Variants in LAMA4 observed in about 807,000 individuals in gnomAD.
The protein encoded by LAMA4 is laminin subunit alpha 4, also known as laminin subunit alpha-4.
LAMA4 carries 127 observed loss-of-function variants against 207.1 expected under a neutral mutation model. That is an observed-to-expected ratio of 0.61 (90% CI 0.53 to 0.71). LAMA4 has a LOEUF of 0.71. Among genes scored for constraint, LAMA4 ranks in the 30% least tolerant of loss-of-function variants. LAMA4 has a pLI of 0.00. For missense variants in LAMA4, 2,093 were observed against 2,246.5 expected (o/e 0.93, Z 1.38); for synonymous variants, 761 against 816.0 (o/e 0.93, Z 1.15).
intron 3 of LAMA4, 148 bp from the exon 4 acceptor site, chr6:112,207,293 G>A (rs1784113209): frequency 1.2e-6 from 1 of 854,166 alleles, no homozygotes; most frequent in Non-Finnish European, 1.9e-6. Context: ...TTAGCATGAG[G>A]AGTCACACTG....
Position 112,119,087 on chromosome 6 carries a change from C to T in LAMA4, c.4821+69G>A, listed in dbSNP as rs967893593. 2.3e-4 allele frequency: 341 copies of T among 1,495,738 alleles called. 3 individuals carry two copies. Among genetic ancestry groups the T allele is most frequent in the South Asian group, 7.1e-4 (63 of 88,326 alleles). The allele number at this position is 1,495,738 out of a possible 1,614,324, so 92.7% of individuals were successfully genotyped here. ...GTTTCTAGTTTCCTAATCTGTGAGA[C>T]GAGGGCCTCAATTAGATGATCTTCT... On this transcript the variant is annotated intron_variant, in intron 34 of 38. Coordinates refer to ENST00000230538, the MANE Select transcript of LAMA4 (RefSeq NM_001105206.3).
At chr6:112,171,026 G>A (rs1781676832) in intron 12 of LAMA4, among the ~76,000 whole-genome samples, 1 of 152,140 alleles carries the variant, frequency 6.6e-6, no homozygotes, top group South Asian at 2.1e-4. Context: ...ATCAGAGGGA[G>A]TCCTGAATGC....
At chr6:112,190,942 TCTTTC>T (rs1562714736) in intron 6 of LAMA4, among the ~76,000 whole-genome samples, 2,022 of 55,172 alleles carry the variant, frequency 0.037, 22 homozygotes, top group Middle Eastern at 0.04. Context: ...TTTCTTTCTT[TCTTTC>T]CTTTCTTTCT....
rs7758715 is a variant in LAMA4, at chr6:112,108,584, T to A, written c.*853A>T. On this transcript the variant is annotated 3_prime_UTR_variant, in exon 39 of 39. Coordinates refer to ENST00000230538, the MANE Select transcript of LAMA4 (RefSeq NM_001105206.3). Reference sequence around the variant, plus strand: ...ACAGGTGTATGCCCATGTACAAATTTTTTTGCAGAGATGGGATCTCATTAT... The same window carrying A: ...ACAGGTGTATGCCCATGTACAAATTATTTTGCAGAGATGGGATCTCATTAT... 0.25 allele frequency among the ~76,000 whole-genome samples: 37,696 copies of A among 151,898 alleles called. 4,647 individuals are homozygous for A. The highest frequency in any genetic ancestry group is 0.32 in the East Asian group (1,658 of 5,154).
chr6:112,251,249 C>T (rs1485974308), intron 2 of LAMA4: 1 of 152,178 alleles, frequency 6.6e-6, no homozygotes, highest in Non-Finnish European at 1.5e-5. Flanking sequence ...CAATCTCTAT[C>T]CTTTTATTCC....
intron 16 of LAMA4, among the ~76,000 whole-genome samples, chr6:112,153,419 A>G (rs1554336169): frequency 6.6e-6 from 1 of 152,158 alleles, no homozygotes; most frequent in East Asian, 1.9e-4. Flanking sequence ...GAGATCATGA[A>G]ATAGGTGAAC....
Position 112,187,440 on chromosome 6 carries a change from T to A in LAMA4, c.966+10A>T, listed in dbSNP as rs1782751851. On this transcript the variant is annotated intron_variant, in intron 8 of 38. Transcript: ENST00000230538. ...GAAAACAGAGTGGAAAGTAGAACATTCCTGCGTACTTTGAGGAGGTAGATG... is the reference window on the plus strand; with the variant it reads ...GAAAACAGAGTGGAAAGTAGAACATACCTGCGTACTTTGAGGAGGTAGATG... 6.2e-7 allele frequency: 1 copy of A among 1,614,014 alleles called. No homozygotes were observed. Among genetic ancestry groups the A allele is most frequent in the East Asian group, 2.2e-5 (1 of 44,858 alleles).
At chr6:112,202,554 T>C (rs1316910603) in intron 4 of LAMA4, among the ~76,000 whole-genome samples, 1 of 152,176 alleles carries the variant, frequency 6.6e-6, no homozygotes, top group Non-Finnish European at 1.5e-5. Context: ...TGTTCCTTTA[T>C]GTATCAGCAT....
At chr6:112,219,708 T>G (rs137911450) in intron 2 of LAMA4, 71 of 152,334 alleles carry the variant, frequency 4.7e-4, no homozygotes, top group African/African-American at 1.7e-3. Flanking sequence ...CTAAAGTTTA[T>G]TTAATTGAAC....
intron 2 of LAMA4, among the ~76,000 whole-genome samples, chr6:112,243,209 T>A (rs1032992186): frequency 1.9e-4 from 29 of 152,168 alleles, no homozygotes; most frequent in Admixed American, 1.2e-3. Flanking sequence ...CTCATGTCTG[T>A]GGCTGGGTTG....
chr6:112,190,934 T>TCCTTC (rs1491506479), intron 6 of LAMA4, among the ~76,000 whole-genome samples: 146 of 62,762 alleles, frequency 2.3e-3, no homozygotes, highest in Non-Finnish European at 3.2e-3. Context: ...TTTCTTTCTT[T>TCCTTC]CTTTCTTTCT....
intron 12 of LAMA4, among the ~76,000 whole-genome samples, chr6:112,167,932 G>C (rs1554340531): frequency 6.6e-6 from 1 of 151,452 alleles, no homozygotes; most frequent in Admixed American, 6.6e-5. Context: ...ACTCCACCAG[G>C]CGCGGTGGCT....
intron 19 of LAMA4, among the ~76,000 whole-genome samples, chr6:112,143,220 A>G (rs2114712860): frequency 6.6e-6 from 1 of 152,066 alleles, no homozygotes; most frequent in African/African-American, 2.4e-5. Context: ...AGTGAGCTCA[A>G]GGCTCTATTT....
chr6:112,127,481 A>G (rs1432920147), intron 31 of LAMA4, among the ~76,000 whole-genome samples: 1 of 152,004 alleles, frequency 6.6e-6, no homozygotes, highest in East Asian at 1.9e-4. Context: ...CACATGGCCC[A>G]TTCTAGGAAT....
chr6:112,169,306 A>C (rs1401060718), intron 12 of LAMA4, among the ~76,000 whole-genome samples: 1 of 152,152 alleles, frequency 6.6e-6, no homozygotes, highest in Admixed American at 6.6e-5. Flanking sequence ...CTTGGAGGGG[A>C]GAGGAGAACC....
intron 26 of LAMA4, 42 bp from the exon 27 acceptor site, chr6:112,133,529 G>A: frequency 1.9e-6 from 3 of 1,611,298 alleles, no homozygotes; most frequent in Non-Finnish European, 2.5e-6. Context: ...CCATGATGAT[G>A]ATGTTACCCT....
chr6:112,190,382 G>T (rs1462315270), intron 6 of LAMA4, among the ~76,000 whole-genome samples: 2 of 152,044 alleles, frequency 1.3e-5, no homozygotes, highest in African/African-American at 4.8e-5. Flanking sequence ...TACTTTTATT[G>T]TGACTTCTGC....
At chr6:112,152,708 T>TC (rs374450757) in intron 16 of LAMA4, among the ~76,000 whole-genome samples, 3 of 151,898 alleles carry the variant, frequency 2.0e-5, no homozygotes, top group Non-Finnish European at 4.4e-5. Context: ...ATGTTATCTT[T>TC]CCCCCCCAGA....
At chr6:112,186,904 A>G in intron 8 of LAMA4, 1 of 455,574 alleles carries the variant, frequency 2.2e-6, no homozygotes, top group Non-Finnish European at 4.4e-6. Context: ...ATTAACCAGT[A>G]GAGCTATGAG....
Sources: gnomAD v4.1 joint callset for allele counts (sites outside exome capture counted in the v4.1 genomes callset) on GRCh38, gnomAD v4.1.1 for gene constraint, MANE v1.5 for transcripts, NCBI Gene and HGNC (gene_info 2026-07-23, HGNC 2026-07-21) for gene names.